The following HHAT variants were observed in gnomAD, a reference collection of about 807,000 sequenced individuals.
HHAT encodes the protein hedgehog acyltransferase, also known as protein-cysteine N-palmitoyltransferase HHAT.
A neutral mutation model predicts 70.8 loss-of-function variants in HHAT; 47 were observed. The ratio of observed to expected loss-of-function variants is 0.66; its 90% CI spans 0.53 to 0.85. The LOEUF (loss-of-function observed/expected upper bound fraction) is 0.85. Among genes scored for constraint, HHAT ranks in the 40% least tolerant of loss-of-function variants. The pLI is 0.00. For missense variants in HHAT, 609 were observed against 604.8 expected (o/e 1.01, Z -0.07); for synonymous variants, 228 against 247.6 (o/e 0.92, Z 0.74).
chr1:210,340,267 AAG>A (rs2085921476), intron 1 of HHAT, among the ~76,000 whole-genome samples: 2 of 149,084 alleles, frequency 1.3e-5, no homozygotes, highest in Non-Finnish European at 3.0e-5. Context: ...AAAAAAAAAA[AAG>A]ACTCAAGTGG....
intron 10 of HHAT, among the ~76,000 whole-genome samples, chr1:210,615,533 G>GT (rs1201360882): frequency 1.3e-5 from 2 of 152,172 alleles, no homozygotes; most frequent in Non-Finnish European, 2.9e-5. Flanking sequence ...AGAATTTTCA[G>GT]TTTTTTGTTC....
At chr1:210,619,563 T>TGTAG (rs1179279356) in intron 10 of HHAT, among the ~76,000 whole-genome samples, 2 of 152,166 alleles carry the variant, frequency 1.3e-5, no homozygotes, top group Non-Finnish European at 2.9e-5. Context: ...CTGTGATGAA[T>TGTAG]GTAGGGGAGA....
At chr1:210,454,379 C>T (rs1029241607) in intron 7 of HHAT, among the ~76,000 whole-genome samples, 1 of 152,154 alleles carries the variant, frequency 6.6e-6, no homozygotes, top group Non-Finnish European at 1.5e-5. Flanking sequence ...TGGTGAAACC[C>T]TGTCTCTAAT....
intron 5 of HHAT, among the ~76,000 whole-genome samples, chr1:210,403,397 T>C (rs1400343564): frequency 6.6e-6 from 1 of 152,196 alleles, no homozygotes; most frequent in Non-Finnish European, 1.5e-5. Context: ...TTAGCATCAG[T>C]TATAGATGTT....
At chr1:210,658,313 G>A (rs1307545453) in intron 11 of HHAT, among the ~76,000 whole-genome samples, 1 of 152,058 alleles carries the variant, frequency 6.6e-6, no homozygotes, top group Admixed American at 6.6e-5. Context: ...GCCCCTGAGG[G>A]TGCTCAGACC....
intron 8 of HHAT, among the ~76,000 whole-genome samples, chr1:210,480,344 T>C (rs1197906803): frequency 6.6e-6 from 1 of 152,182 alleles, no homozygotes; most frequent in East Asian, 1.9e-4. Context: ...GTTGCAATTT[T>C]TTGAATATTT....
intron 9 of HHAT, among the ~76,000 whole-genome samples, chr1:210,561,515 A>G (rs546831891): frequency 3.9e-4 from 60 of 152,282 alleles, no homozygotes; most frequent in African/African-American, 1.3e-3. Flanking sequence ...ACGTGTGGCA[A>G]GTGCCCAGCC....
chr1:210,416,620 T>C (rs1031285885), intron 6 of HHAT, among the ~76,000 whole-genome samples: 3 of 152,242 alleles, frequency 2.0e-5, no homozygotes, highest in African/African-American at 7.2e-5. Flanking sequence ...AACTGGGCTT[T>C]AAAAATTTTC....
At chr1:210,645,936 G>C (rs1558345180) in intron 11 of HHAT, among the ~76,000 whole-genome samples, 1 of 152,138 alleles carries the variant, frequency 6.6e-6, no homozygotes, top group Non-Finnish European at 1.5e-5. Flanking sequence ...AGAAAGATCA[G>C]ATTTCCATCA....
intron 7 of HHAT, chr1:210,439,726 C>G (rs2093461881): frequency 6.6e-6 from 1 of 151,882 alleles, no homozygotes; most frequent in Admixed American, 6.5e-5. Context: ...GTAATTCCTT[C>G]ATGAGACTTC....
At chr1:210,370,610 ATTTTTTT>A (rs10664778) in intron 3 of HHAT, among the ~76,000 whole-genome samples, 3 of 98,356 alleles carry the variant, frequency 3.1e-5, no homozygotes, top group African/African-American at 4.1e-5. Context: ...TGCAGATGCT[ATTTTTTT>A]TTTTTTTTTT....
At chr1:210,544,069 C>G (rs1414849645) in intron 9 of HHAT, among the ~76,000 whole-genome samples, 1 of 152,168 alleles carries the variant, frequency 6.6e-6, no homozygotes, top group African/African-American at 2.4e-5. Context: ...CTTTGGCCCT[C>G]TCAAACACTA....
chr1:210,649,422 C>G (rs1414806566), intron 11 of HHAT, among the ~76,000 whole-genome samples: 3 of 152,210 alleles, frequency 2.0e-5, no homozygotes, highest in African/African-American at 7.2e-5. Flanking sequence ...GTGGGTCAGA[C>G]CAAGGTAACC....
chr1:210,379,375 C>A (rs931615557), intron 3 of HHAT, among the ~76,000 whole-genome samples: 1 of 152,246 alleles, frequency 6.6e-6, no homozygotes, highest in Non-Finnish European at 1.5e-5. Flanking sequence ...TTTCAACCTT[C>A]TAACCTGTAA....
At chr1:210,525,430 T>C (rs762562308) in intron 9 of HHAT, among the ~76,000 whole-genome samples, 1 of 152,210 alleles carries the variant, frequency 6.6e-6, no homozygotes, top group Non-Finnish European at 1.5e-5. Flanking sequence ...TGGAGTCCTT[T>C]GCTTATGTTC....
rs376924027 is a variant in HHAT at position 210,643,821 on chromosome 1, A to G, written c.1390+20151A>G. Among the ~76,000 whole-genome samples the G allele has an allele frequency of 3.9e-5, 6 of 151,974 alleles. No individual in the cohort carries two copies. The South Asian group carries it at 1.0e-3, about 26-fold the overall frequency. On this transcript the variant is annotated intron_variant, in intron 11 of 11. Transcript: ENST00000261458. Reference sequence around the variant, plus strand: ...GCTAATTGCAGAAGCATCTGGAAACATTACACAGATGAGCCAGTGGTGTTT... The same window carrying G: ...GCTAATTGCAGAAGCATCTGGAAACGTTACACAGATGAGCCAGTGGTGTTT...
intron 10 of HHAT, among the ~76,000 whole-genome samples, chr1:210,614,496 T>A (rs1041791988): frequency 5.9e-5 from 9 of 152,190 alleles, no homozygotes; most frequent in Non-Finnish European, 1.3e-4. Flanking sequence ...TGTGCCATGT[T>A]GGTGTGCTGC....
chr1:210,518,316 A>C (rs1347292893), intron 9 of HHAT, among the ~76,000 whole-genome samples: 3 of 152,034 alleles, frequency 2.0e-5, no homozygotes, highest in African/African-American at 7.3e-5. Context: ...AAGCTTCCAC[A>C]TATCAGTGAG....
intron 8 of HHAT, among the ~76,000 whole-genome samples, chr1:210,493,942 C>T (rs1183401250): frequency 1.3e-5 from 2 of 152,164 alleles, no homozygotes; most frequent in African/African-American, 4.8e-5. Context: ...TTAAAGTAGG[C>T]ACTTGAAATT....
Sources: gnomAD v4.1 joint callset for allele counts (sites outside exome capture counted in the v4.1 genomes callset) on GRCh38, gnomAD v4.1.1 for gene constraint, MANE v1.5 for transcripts, NCBI Gene and HGNC (gene_info 2026-07-23, HGNC 2026-07-21) for gene names.